Variants in CALCRL observed in about 807,000 individuals in gnomAD.
CALCRL encodes the protein calcitonin receptor like receptor, also known as calcitonin gene-related peptide type 1 receptor.
A neutral mutation model predicts 60.4 loss-of-function variants in CALCRL; 27 were observed. The ratio of observed to expected loss-of-function variants is 0.45; its 90% confidence interval spans 0.33 to 0.62. The LOEUF is 0.62. Among genes scored for constraint, CALCRL ranks in the 20% least tolerant of loss-of-function variants. The probability of loss-of-function intolerance (pLI) is 0.03; values close to 1 mark genes in which losing one functional copy is unlikely to be tolerated. For missense variants in CALCRL, 424 were observed against 540.7 expected (o/e 0.78, Z 2.14); for synonymous variants, 190 against 182.6 (o/e 1.04, Z -0.33).
At position 187,378,527 on chromosome 2, in the gene CALCRL, A is replaced by G. The variant is rs188220869; in HGVS notation, c.500+413T>C. ...AAAGTGTATTTAGATTATATTTTTG[A>G]TGATATATGTTAAATGCCTTTGCTA... is the stretch of plus-strand genomic sequence containing the variant. On this transcript the variant is annotated intron_variant, in intron 8 of 14. Transcript: ENST00000392370. 3.7e-4 allele frequency among the ~76,000 whole-genome samples: 56 copies of G among 152,258 alleles called. No individual in the cohort carries two copies. The Middle Eastern group carries it at 0.01, about 28-fold the overall frequency.
chr2:187,360,759 G>GAA lies in CALCRL; in HGVS notation c.628-10_628-9dup, dbSNP rs200387056. ...GGACACTTTGCAACTAACCTGTGAGGAAAAAAAAAACCCCAATATTTACTT... is the reference window on the plus strand; with the variant it reads ...GGACACTTTGCAACTAACCTGTGAGGAAAAAAAAAAAACCCCAATATTTACTT... On this transcript the variant is annotated splice_polypyrimidine_tract_variant and intron_variant, in intron 9 of 14. Coordinates refer to ENST00000392370, the MANE Select transcript of CALCRL (RefSeq NM_005795.6). 115 of 1,455,910 alleles carry GAA rather than the reference G, an allele frequency of 7.9e-5. No individual in the cohort carries two copies. The highest frequency in any genetic ancestry group is 1.8e-4 in the Middle Eastern group (1 of 5,526). The allele number at this position is 1,455,910 out of a possible 1,614,324, so 90.2% of individuals were successfully genotyped here. A position where few individuals can be genotyped will look rare whatever the true frequency, so the allele number is the denominator to read the frequency against.
chr2:187,412,638 G>C (rs1473077216), intron 1 of CALCRL, among the ~76,000 whole-genome samples: 1 of 152,214 alleles, frequency 6.6e-6, no homozygotes, highest in Non-Finnish European at 1.5e-5. Context: ...TTCAAGCTAA[G>C]GGCAGCCTCT....
chr2:187,378,586 C>T (rs1559050937), intron 8 of CALCRL, among the ~76,000 whole-genome samples: 1 of 152,092 alleles, frequency 6.6e-6, no homozygotes, highest in Non-Finnish European at 1.5e-5. Context: ...CTAAAATGGA[C>T]ACTTATTCTG....
At chr2:187,379,896 C>T (rs1465742947) in intron 7 of CALCRL, among the ~76,000 whole-genome samples, 2 of 152,160 alleles carry the variant, frequency 1.3e-5, no homozygotes, top group Admixed American at 6.6e-5. Context: ...CAGTTGTAAT[C>T]ACTGTGATAA....
chr2:187,435,860 T>TTCTGCG (rs1553516602), intron 1 of CALCRL, among the ~76,000 whole-genome samples: 62 of 72,868 alleles, frequency 8.5e-4, no homozygotes, highest in Non-Finnish European at 2.1e-4. Context: ...GTGTGTGTGT[T>TTCTGCG]TGTGCGTGCG....
intron 1 of CALCRL, among the ~76,000 whole-genome samples, chr2:187,416,750 A>G (rs1689628250): frequency 6.6e-6 from 1 of 152,152 alleles, no homozygotes; most frequent in African/African-American, 2.4e-5. Flanking sequence ...CAAAGAGAAC[A>G]TTCTGTAATT....
intron 1 of CALCRL, among the ~76,000 whole-genome samples, chr2:187,422,316 G>A (rs1424259277): frequency 6.6e-6 from 1 of 152,168 alleles, no homozygotes; most frequent in African/African-American, 2.4e-5. Context: ...CCAGCTCGAT[G>A]TCTCTAATAA....
intron 8 of CALCRL, among the ~76,000 whole-genome samples, chr2:187,375,116 C>CAAA (rs1687695954): frequency 6.7e-6 from 1 of 150,246 alleles, no homozygotes; most frequent in Non-Finnish European, 1.5e-5. Flanking sequence ...ACTAAAAATA[C>CAAA]AAAAAATTAG....
chr2:187,386,664 G>C (rs1375503646), intron 3 of CALCRL, among the ~76,000 whole-genome samples: 3 of 150,310 alleles, frequency 2.0e-5, no homozygotes, highest in Non-Finnish European at 4.4e-5. Flanking sequence ...TGAAGTCCAG[G>C]AGCAACCTAC....
At chr2:187,367,769 CG>C (rs1390879653) in intron 8 of CALCRL, among the ~76,000 whole-genome samples, 1 of 151,920 alleles carries the variant, frequency 6.6e-6, no homozygotes, top group Non-Finnish European at 1.5e-5. Context: ...TTTCTATCCC[CG>C]CATAACCACA....
rs1237612905 is a variant in CALCRL, at chr2:187,372,437, C to CCT, written c.500+6501_500+6502dup. ...TTACGTCTCTTTCTCTTTTCCCCTC[C>CCT]CTCTCTGTTCCCTTTCTTTTTATCT... is the stretch of plus-strand genomic sequence containing the variant. On this transcript the variant is annotated intron_variant, in intron 8 of 14. Coordinates refer to ENST00000392370, the MANE Select transcript of CALCRL (RefSeq NM_005795.6). Among the ~76,000 whole-genome samples the CCT allele has an allele frequency of 7.9e-5, 12 of 152,168 alleles. No individual in the cohort carries two copies. The East Asian group carries it at 2.3e-3, about 29-fold the overall frequency.
intron 1 of CALCRL, chr2:187,415,945 A>G (rs1689585144): frequency 9.7e-6 from 2 of 206,002 alleles, no homozygotes; most frequent in Non-Finnish European, 1.9e-5. Context: ...CCACACTAAG[A>G]ATCTCCCCTC....
chr2:187,371,881 A>G (rs1211233720), intron 8 of CALCRL, among the ~76,000 whole-genome samples: 1 of 151,590 alleles, frequency 6.6e-6, no homozygotes, highest in Non-Finnish European at 1.5e-5. Flanking sequence ...ATATATTCAG[A>G]TGTGATCTAA....
chr2:187,444,973 A>G (rs1691105648), intron 1 of CALCRL, among the ~76,000 whole-genome samples: 1 of 151,566 alleles, frequency 6.6e-6, no homozygotes, highest in Admixed American at 6.6e-5. Context: ...ATATTTTTGT[A>G]TATTAAACGA....
At chr2:187,349,592 G>A (rs1261218307) in intron 14 of CALCRL, among the ~76,000 whole-genome samples, 4 of 151,682 alleles carry the variant, frequency 2.6e-5, no homozygotes, top group Non-Finnish European at 5.9e-5. Flanking sequence ...TGTATCTCCA[G>A]AGATGAAGAA....
At chr2:187,399,108 T>C (rs1688774432) in intron 1 of CALCRL, among the ~76,000 whole-genome samples, 1 of 151,562 alleles carries the variant, frequency 6.6e-6, no homozygotes, top group African/African-American at 2.4e-5. Context: ...GGGTCTTCGT[T>C]TCCTGACCTG....
chr2:187,429,904 T>C (rs535763636), intron 1 of CALCRL, among the ~76,000 whole-genome samples: 6 of 152,268 alleles, frequency 3.9e-5, no homozygotes, highest in Admixed American at 6.5e-5. Flanking sequence ...GGAAAAAATA[T>C]AGTGTATTCC....
chr2:187,349,039 A>G (rs950979941), intron 14 of CALCRL, among the ~76,000 whole-genome samples: 1 of 151,530 alleles, frequency 6.6e-6, no homozygotes, highest in Non-Finnish European at 1.5e-5. Context: ...CCTTAATGGG[A>G]ATCAATTTAA....
intron 1 of CALCRL, among the ~76,000 whole-genome samples, chr2:187,408,472 A>C (rs2105841866): frequency 6.6e-6 from 1 of 152,214 alleles, no homozygotes; most frequent in East Asian, 1.9e-4. Context: ...GATGTTCATA[A>C]AATTATATTA....
Sources: allele counts gnomAD v4.1 joint callset (sites outside exome capture counted in the v4.1 genomes callset), GRCh38; gene constraint gnomAD v4.1.1; transcripts MANE v1.5; gene names NCBI Gene and HGNC (gene_info 2026-07-23, HGNC 2026-07-21).